EPC2: variants seen among roughly 807,000 people sequenced by gnomAD.
EPC2 encodes the protein enhancer of polycomb 2.
Under a neutral mutation model 92.1 loss-of-function variants are expected in EPC2, and 14 were observed. That is an observed-to-expected ratio of 0.15 (90% CI 0.10 to 0.24). The LOEUF is 0.24. Among genes scored for constraint, EPC2 ranks in the 10% least tolerant of loss-of-function variants. The probability of loss-of-function intolerance (pLI) is 1.00; values close to 1 mark genes in which losing one functional copy is unlikely to be tolerated. For missense variants in EPC2, 755 were observed against 971.5 expected (o/e 0.78, Z 2.96); for synonymous variants, 340 against 334.7 (o/e 1.02, Z -0.17).
chr2:148,714,679 T>C (rs769171830), intron 2 of EPC2, among the ~76,000 whole-genome samples: 3 of 152,264 alleles, frequency 2.0e-5, no homozygotes, highest in Non-Finnish European at 4.4e-5. Context: ...TTGAGCTTCT[T>C]TTCATGTTTG....
At chr2:148,686,132 T>C (rs1010996633) in intron 1 of EPC2, among the ~76,000 whole-genome samples, 33 of 152,372 alleles carry the variant, frequency 2.2e-4, no homozygotes, top group Middle Eastern at 3.4e-3. Flanking sequence ...TTTTTCAAAA[T>C]TGCATTCTCA....
intron 2 of EPC2, among the ~76,000 whole-genome samples, chr2:148,697,937 TCCAACTAAGCACTGTG>T (rs1345290401): frequency 6.6e-6 from 1 of 152,086 alleles, no homozygotes; most frequent in Non-Finnish European, 1.5e-5. Flanking sequence ...TTTCTAAGCC[TCCAACTAAGCACTGTG>T]CCTGACAAAA....
intron 1 of EPC2, among the ~76,000 whole-genome samples, chr2:148,658,815 CTA>C (rs964639475): frequency 5.9e-5 from 9 of 151,350 alleles, no homozygotes; most frequent in South Asian, 2.1e-4. Context: ...TGATATTAAA[CTA>C]TATATGTATG....
chr2:148,671,286 G>GTTTTTTTTT (rs369058386), intron 1 of EPC2, among the ~76,000 whole-genome samples: 9 of 130,650 alleles, frequency 6.9e-5, no homozygotes, highest in African/African-American at 2.1e-4. Flanking sequence ...TGTGGATTGT[G>GTTTTTTTTT]ATTTTTTTTT....
chr2:148,725,952 A>G (rs1682486134), intron 2 of EPC2, among the ~76,000 whole-genome samples: 3 of 152,172 alleles, frequency 2.0e-5, no homozygotes, highest in South Asian at 2.1e-4. Flanking sequence ...ATGTATACCC[A>G]TTGAACAACC....
Position 148,771,093 on chromosome 2 carries a change from A to T in EPC2, c.1426A>T (p.Ile476Leu). The T allele has an allele frequency of 6.2e-7, 1 of 1,613,160 alleles. No homozygotes were observed. Among genetic ancestry groups the T allele is most frequent in the Non-Finnish European group, 8.5e-7 (1 of 1,179,388 alleles). Residue 476 changes from isoleucine to leucine, a missense_variant, in exon 10 of 14, where the codon ATA (isoleucine) becomes TTA (leucine). By Grantham distance (5) the Ile-to-Leu change is conservative. Around this residue, in one of 4 missense-constraint regions of EPC2, gnomAD observed 509 missense variants for 607.7 expected, o/e 0.84. Transcript: ENST00000258484. The stretch of plus-strand genomic sequence containing the variant: ...AGAACATGACCCAGTCCTGAAACAG[A>T]TAGACCCTGAAATGCTGAATAGTTT... ...STEHDPVLKQIDPEMLNSFSS... is the reference protein window; with the variant it reads ...STEHDPVLKQLDPEMLNSFSS...
intron 2 of EPC2, among the ~76,000 whole-genome samples, chr2:148,733,769 C>T (rs1362353816): frequency 4.0e-5 from 6 of 151,898 alleles, no homozygotes; most frequent in Admixed American, 6.6e-5. Context: ...GGATTACAGC[C>T]GTGAGCCACC....
Position 148,771,352 on chromosome 2 carries a change from T to C in EPC2, c.1685T>C (p.Val562Ala). Reference sequence around the variant, plus strand: ...AATAAAAGAGTTTCTGCAGCATCTGTAGCTTTATTGAACACCAGCAAGAAT... The same window carrying C: ...AATAAAAGAGTTTCTGCAGCATCTGCAGCTTTATTGAACACCAGCAAGAAT... ...VNNKRVSAAS[V>A]ALLNTSKNGI... The change falls in exon 10 of 14, where the codon GTA (valine) becomes GCA (alanine). Residue 562 changes from valine to alanine, a missense_variant. Transcript: ENST00000258484. 2 of 1,608,376 alleles carry C rather than the reference T, an allele frequency of 1.2e-6. No homozygotes were observed. Among genetic ancestry groups the C allele is most frequent in the South Asian group, 2.2e-5 (2 of 89,668 alleles).
intron 1 of EPC2, among the ~76,000 whole-genome samples, chr2:148,655,774 A>T (rs1032625736): frequency 2.6e-5 from 4 of 152,176 alleles, no homozygotes; most frequent in African/African-American, 9.7e-5. Flanking sequence ...TTGTCTCAAA[A>T]GCATACAGGC....
At chr2:148,728,743 T>TA (rs752830068) in intron 2 of EPC2, among the ~76,000 whole-genome samples, 1 of 146,250 alleles carries the variant, frequency 6.8e-6, no homozygotes, top group African/African-American at 2.5e-5. Flanking sequence ...TTTTTTTTTT[T>TA]AAAAAAAGGC....
At chr2:148,702,051 G>A (rs1681899669) in intron 2 of EPC2, among the ~76,000 whole-genome samples, 1 of 151,754 alleles carries the variant, frequency 6.6e-6, no homozygotes. Context: ...TGTTGGATGA[G>A]TAGTGATGAC....
At chr2:148,762,006 G>A (rs1261588048) in intron 5 of EPC2, 76 bp downstream of exon 5, 2 of 1,238,478 alleles carry the variant, frequency 1.6e-6, no homozygotes, top group Non-Finnish European at 2.2e-6. Context: ...AAGATTTTTA[G>A]GGGGGAACAG....
chr2:148,742,142 G>A (rs1682890229), intron 2 of EPC2, among the ~76,000 whole-genome samples: 1 of 151,914 alleles, frequency 6.6e-6, no homozygotes, highest in Non-Finnish European at 1.5e-5. Context: ...CACATTGTTT[G>A]TTTTGTATTT....
At chr2:148,649,011 T>C (rs780471675) in intron 1 of EPC2, among the ~76,000 whole-genome samples, 21 of 152,338 alleles carry the variant, frequency 1.4e-4, no homozygotes, top group South Asian at 1.2e-3. Context: ...TGTACACTTA[T>C]GTTTATTTAG....
intron 2 of EPC2, 108 bp from the exon 3 acceptor site, chr2:148,743,514 C>G (rs2105407478): frequency 1.2e-6 from 1 of 810,240 alleles, no homozygotes; most frequent in African/African-American, 1.8e-5. Flanking sequence ...CTGAGCTCCC[C>G]TTTAGTCAGT....
At chr2:148,742,437 T>C (rs986987748) in intron 2 of EPC2, among the ~76,000 whole-genome samples, 1 of 151,878 alleles carries the variant, frequency 6.6e-6, no homozygotes, top group Admixed American at 6.6e-5. Context: ...TTACACTTTT[T>C]TTATGTTTAA....
At chr2:148,752,164 C>T (rs1683091862) in intron 3 of EPC2, among the ~76,000 whole-genome samples, 2 of 152,140 alleles carry the variant, frequency 1.3e-5, no homozygotes, top group Admixed American at 1.3e-4. Context: ...GGAAAGAGCA[C>T]TTATCCTTCT....
intron 2 of EPC2, among the ~76,000 whole-genome samples, chr2:148,696,505 G>A (rs998911280): frequency 1.3e-5 from 2 of 152,124 alleles, no homozygotes; most frequent in Admixed American, 1.3e-4. Context: ...AAGAAATCAG[G>A]GAGAGAATAA....
intron 4 of EPC2, among the ~76,000 whole-genome samples, chr2:148,759,945 G>A (rs1216937412): frequency 6.6e-6 from 1 of 151,978 alleles, no homozygotes; most frequent in African/African-American, 2.4e-5. Context: ...AATTATTTGG[G>A]CATAAAGAGA....
Sources: gnomAD v4.1 joint callset for allele counts (sites outside exome capture counted in the v4.1 genomes callset) on GRCh38, gnomAD v4.1.1 for gene constraint, gnomAD v4.1.1 regional missense constraint, MANE v1.5 for transcripts, NCBI Gene and HGNC (gene_info 2026-07-23, HGNC 2026-07-21) for gene names.